Variants in DAPK1 observed in about 807,000 individuals in gnomAD.
DAPK1 encodes the protein death associated protein kinase 1.
Under a neutral mutation model 144.9 loss-of-function variants are expected in DAPK1, and 56 were observed. The observed-to-expected ratio is 0.39, with a 90% CI of 0.31 to 0.48. DAPK1 has a LOEUF of 0.48. DAPK1 is among the 20% of genes least tolerant of loss of function. DAPK1 has a pLI of 0.95. For missense variants in DAPK1, 1,454 were observed against 1,875.4 expected (o/e 0.78, Z 4.15); for synonymous variants, 690 against 749.0 (o/e 0.92, Z 1.29).
chr9:87,527,270 G>A (rs1825548606), intron 2 of DAPK1, among the ~76,000 whole-genome samples: 1 of 152,168 alleles, frequency 6.6e-6, no homozygotes, highest in African/African-American at 2.4e-5. Context: ...TGGGCTAATC[G>A]CTTGCCTTCA....
chr9:87,659,664 G>T (rs1315134888), intron 18 of DAPK1, among the ~76,000 whole-genome samples: 1 of 152,052 alleles, frequency 6.6e-6, no homozygotes, highest in Non-Finnish European at 1.5e-5. Context: ...TCCCCGCCTG[G>T]CTCCTCCTCA....
intron 2 of DAPK1, among the ~76,000 whole-genome samples, chr9:87,554,850 CT>C (rs1826645053): frequency 6.6e-6 from 1 of 152,204 alleles, no homozygotes; most frequent in South Asian, 2.1e-4. Flanking sequence ...GGCTTCTGCC[CT>C]TGGCTTCAGC....
intron 21 of DAPK1, among the ~76,000 whole-genome samples, chr9:87,689,987 C>T (rs1272213831): frequency 6.6e-6 from 1 of 152,016 alleles, no homozygotes; most frequent in Non-Finnish European, 1.5e-5. Context: ...GGCTGTTTGG[C>T]CACTGTTTTG....
intron 2 of DAPK1, among the ~76,000 whole-genome samples, chr9:87,529,235 C>CGCTTTTCAATAA (rs1825625116): frequency 1.3e-5 from 2 of 152,198 alleles, no homozygotes; most frequent in Admixed American, 6.5e-5. Context: ...TCTGCTCTAG[C>CGCTTTTCAATAA]GCTTTTCAAT....
intron 19 of DAPK1, among the ~76,000 whole-genome samples, chr9:87,676,222 A>C (rs1377773260): frequency 6.6e-6 from 1 of 152,234 alleles, no homozygotes; most frequent in Non-Finnish European, 1.5e-5. Flanking sequence ...GCCAGGTCTC[A>C]GGGTTGTCTT....
At chr9:87,693,505 A>T (rs909422353) in intron 21 of DAPK1, among the ~76,000 whole-genome samples, 25 of 151,918 alleles carry the variant, frequency 1.6e-4, no homozygotes, top group African/African-American at 5.8e-4. Flanking sequence ...ATTCTCTTGT[A>T]CCTCACTGAA....
Position 87,696,386 on chromosome 9 carries a change from G to A in DAPK1, c.2414-621G>A, listed in dbSNP as rs541771962. Among the ~76,000 whole-genome samples, 9 of 152,304 alleles carry A rather than the reference G, an allele frequency of 5.9e-5. 1 individual carries two copies. The South Asian group carries it at 8.3e-4, about 14-fold the overall frequency. ...ATATACATGCTGTAGATATGTACGCGTGACACAAGTCGATCTGCACGTCAG... is the reference window on the plus strand; with the variant it reads ...ATATACATGCTGTAGATATGTACGCATGACACAAGTCGATCTGCACGTCAG... On this transcript the variant is annotated intron_variant, in intron 21 of 25. Transcript: ENST00000408954.
chr9:87,566,864 CAG>C (rs756542771), intron 2 of DAPK1, among the ~76,000 whole-genome samples: 1 of 152,144 alleles, frequency 6.6e-6, no homozygotes, highest in Non-Finnish European at 1.5e-5. Flanking sequence ...ACTGATGAAA[CAG>C]AAATTTTATC....
At chr9:87,509,103 A>G (rs1395285696) in intron 2 of DAPK1, among the ~76,000 whole-genome samples, 1 of 152,188 alleles carries the variant, frequency 6.6e-6, no homozygotes, top group African/African-American at 2.4e-5. Flanking sequence ...GGAGTGTAAT[A>G]TTTAATAGAC....
chr9:87,696,559 A>G (rs536988650), intron 21 of DAPK1, among the ~76,000 whole-genome samples: 1 of 152,202 alleles, frequency 6.6e-6, no homozygotes, highest in Non-Finnish European at 1.5e-5. Context: ...GATTCTGGTG[A>G]GAGCTTTTGA....
chr9:87,662,560 G>GTGTTTT (rs1830888235), intron 18 of DAPK1, among the ~76,000 whole-genome samples: 1 of 32,154 alleles, frequency 3.1e-5, no homozygotes. Context: ...TATATTCCTA[G>GTGTTTT]TTTTTTTTTT....
At chr9:87,654,549 T>C (rs1370185266) in intron 17 of DAPK1, among the ~76,000 whole-genome samples, 2 of 152,248 alleles carry the variant, frequency 1.3e-5, no homozygotes, top group Non-Finnish European at 2.9e-5. Flanking sequence ...GTTTTAGCCA[T>C]TAGCTGCTGG....
rs187725147 is a variant in DAPK1 at position 87,523,663 on chromosome 9, T to C, written c.62+24524T>C. Among the ~76,000 whole-genome samples the C allele has an allele frequency of 2.7e-3, 410 of 152,312 alleles. 3 individuals are homozygous for C. Among genetic ancestry groups the C allele is most frequent in the Non-Finnish European group, 4.1e-3 (282 of 68,026 alleles). The stretch of plus-strand genomic sequence containing the variant: ...CTTCTAGTACTTTGATGGCTTATTA[T>C]GTATGTTTAAGTCTGTGATTTGCCT... On this transcript the variant is annotated intron_variant, in intron 2 of 25. Transcript: ENST00000408954.
chr9:87,545,546 T>TA (rs1248412378), intron 2 of DAPK1, among the ~76,000 whole-genome samples: 3 of 152,060 alleles, frequency 2.0e-5, no homozygotes, highest in Non-Finnish European at 4.4e-5. Context: ...ATTTCAGCTT[T>TA]AAAAAAAATT....
In DAPK1 at chr9:87,686,277, G is replaced by A. The variant is rs1453168815; in HGVS notation, c.2225-274G>A. 6.6e-6 allele frequency among the ~76,000 whole-genome samples: 1 copy of A among 152,104 alleles called. No homozygotes were observed. The highest frequency in any genetic ancestry group is 2.4e-5 in the African/African-American group (1 of 41,410). ...ACCCTAAGCAGAAATCACATGGCAA[G>A]CCAGCCTAGAGACACAATCCCTAGG... On this transcript the variant is annotated intron_variant, in intron 20 of 25. Coordinates refer to ENST00000408954, the MANE Select transcript of DAPK1 (RefSeq NM_004938.4). This position sits in a 1 kb window ranked among gnomAD's most constrained non-coding sequence, Gnocchi z 4.2.
chr9:87,683,197 C>T (rs1458641638), intron 20 of DAPK1, among the ~76,000 whole-genome samples: 1 of 151,784 alleles, frequency 6.6e-6, no homozygotes, highest in East Asian at 1.9e-4. Context: ...ATTCTCCTGC[C>T]TCAGCCTCCC....
In DAPK1 at chr9:87,635,700, C is replaced by T. The variant is rs886712364; in HGVS notation, c.285-2243C>T. 4.6e-5 allele frequency among the ~76,000 whole-genome samples: 7 copies of T among 152,216 alleles called. No homozygotes were observed. In the East Asian group the frequency reaches 1.3e-3, roughly 29 times the overall value. On this transcript the variant is annotated intron_variant, in intron 3 of 25. Transcript: ENST00000408954. ...CCTTGCCAGTTACACATGTCTATTA[C>T]CTTTCATCCTCATAACCTTCAAGGG...
chr9:87,518,112 T>TGTTTTTG (rs1444868781), intron 2 of DAPK1, among the ~76,000 whole-genome samples: 5 of 143,166 alleles, frequency 3.5e-5, no homozygotes, highest in African/African-American at 1.3e-4. Flanking sequence ...GTTGTTTTTT[T>TGTTTTTG]TTTTTTTTTT....
In DAPK1 at chr9:87,686,337, G is replaced by C. The variant is rs960178815; in HGVS notation, c.2225-214G>C. 6.6e-6 allele frequency among the ~76,000 whole-genome samples: 1 copy of C among 152,164 alleles called. No individual in the cohort carries two copies. ...CCGGGCAACAGGGCGGGGCAGAAAA[G>C]GTTGTGGGGAGGTAGAGCAAGCGGA... On this transcript the variant is annotated intron_variant, in intron 20 of 25. Coordinates refer to ENST00000408954, the MANE Select transcript of DAPK1 (RefSeq NM_004938.4). The surrounding 1 kb of genome is among the most constrained non-coding windows in gnomAD (Gnocchi z 4.2).
Sources: gnomAD v4.1 joint callset for allele counts (sites outside exome capture counted in the v4.1 genomes callset) on GRCh38, gnomAD v4.1.1 for gene constraint, Gnocchi (gnomAD v3.1) non-coding constraint, MANE v1.5 for transcripts, NCBI Gene and HGNC (gene_info 2026-07-23, HGNC 2026-07-21) for gene names.